The following LNPEP variants were observed in gnomAD, a reference collection of about 807,000 sequenced individuals.
The protein encoded by LNPEP is leucyl-cystinyl aminopeptidase.
In LNPEP, 64 loss-of-function variants were observed where a neutral mutation model predicts 120.6. That is an observed-to-expected ratio of 0.53 (90% confidence interval 0.43 to 0.65). The LOEUF is 0.65. Ranked by LOEUF, LNPEP falls within the 30% of genes least tolerant of loss-of-function variation. LNPEP has a pLI of 0.00. For synonymous variants in LNPEP, 435 were observed against 425.4 expected (o/e 1.02, Z -0.28); for missense variants, 1,057 against 1,200.0 (o/e 0.88, Z 1.76).
At chr5:96,978,184 CG>C (rs1790045196) in intron 1 of LNPEP, among the ~76,000 whole-genome samples, 1 of 151,900 alleles carries the variant, frequency 6.6e-6, no homozygotes, top group African/African-American at 2.4e-5. Context: ...AAACATTGAA[CG>C]ATCTAATCCT....
At chr5:96,972,094 A>G (rs1207984930) in intron 1 of LNPEP, among the ~76,000 whole-genome samples, 2 of 152,078 alleles carry the variant, frequency 1.3e-5, no homozygotes, top group Admixed American at 1.3e-4. Context: ...ACTCTGTAAA[A>G]TGTTGATTTT....
At chr5:97,002,711 C>A (rs1168653523) in intron 8 of LNPEP, among the ~76,000 whole-genome samples, 1 of 152,076 alleles carries the variant, frequency 6.6e-6, no homozygotes, top group Non-Finnish European at 1.5e-5. Context: ...TACAGGATGC[C>A]ATATAAATTG....
At chr5:96,973,642 A>T (rs1789925666) in intron 1 of LNPEP, among the ~76,000 whole-genome samples, 1 of 152,152 alleles carries the variant, frequency 6.6e-6, no homozygotes, top group Non-Finnish European at 1.5e-5. Context: ...TGCAAAGATT[A>T]GATGCAAATA....
rs6556944 is a variant in LNPEP at position 96,966,594 on chromosome 5, C to T, written c.20-12544C>T. On this transcript the variant is annotated intron_variant, in intron 1 of 17. Transcript: ENST00000231368. ...GGCCCTACCAGTGATGGAGTCCTGG[C>T]TTTACCACTTAGTATATGTCGGAAC... Among the ~76,000 whole-genome samples the T allele has an allele frequency of 1.1e-4, 16 of 150,516 alleles. No homozygotes were observed. The South Asian group carries it at 3.0e-3, about 28-fold the overall frequency.
At chr5:96,945,099 G>A (rs181632288) in intron 1 of LNPEP, among the ~76,000 whole-genome samples, 70 of 151,820 alleles carry the variant, frequency 4.6e-4, no homozygotes, top group East Asian at 3.3e-3. Context: ...ATCTCTCCTG[G>A]ATCAAAAAAA....
At position 96,936,167 on chromosome 5, in the gene LNPEP, C is replaced by T; in HGVS notation, c.12C>T (p.Phe4=). The change falls in exon 1 of 18, where the codon TTC becomes TTT. Residue 4 remains phenylalanine (F), a synonymous_variant. Transcript: ENST00000231368. ...GCGGCGGGGGGAAAATGGAGCCCTT[C>T]ACCAATGGTGAGTGGGCTGCCGAGG... MEP[F]TNDRLQLPRN... is the part of the protein sequence containing the mutation. 6.7e-7 allele frequency: 1 copy of T among 1,488,320 alleles called. No individual in the cohort carries two copies. The highest frequency in any genetic ancestry group is 8.9e-7 in the Non-Finnish European group (1 of 1,120,736). The allele number at this position is 1,488,320 out of a possible 1,614,324, so 92.2% of individuals were successfully genotyped here. A position where few individuals can be genotyped will look rare whatever the true frequency, so the allele number is the denominator to read the frequency against.
At chr5:97,027,483 T>C (rs1025937696) in intron 16 of LNPEP, among the ~76,000 whole-genome samples, 1 of 152,202 alleles carries the variant, frequency 6.6e-6, no homozygotes, top group Non-Finnish European at 1.5e-5. Context: ...CATTTCTGGG[T>C]GTACAGTGTG....
chr5:97,010,291 T>C, intron 11 of LNPEP: 1 of 973,494 alleles, frequency 1.0e-6, no homozygotes, highest in Non-Finnish European at 1.2e-6. Context: ...ACATTCATGT[T>C]TCCAAATGGA....
Position 96,993,849 on chromosome 5 carries a change from G to A in LNPEP, c.1285G>A (p.Ala429Thr). ...LVAIPDFEAG[A>T]MENWGLLTFR... ...GGCTATTCCTGACTTTGAAGCAGGA[G>A]CAATGGAAAATTGGGGTTTGCTCAC... The change falls in exon 6 of 18, where the codon GCA becomes ACA. Residue 429 changes from alanine to threonine, a missense_variant. Coordinates refer to ENST00000231368, the MANE Select transcript of LNPEP (RefSeq NM_005575.3). 2 of 1,613,914 alleles carry A rather than the reference G, an allele frequency of 1.2e-6. No individual in the cohort carries two copies. Among genetic ancestry groups the A allele is most frequent in the Non-Finnish European group, 1.7e-6 (2 of 1,179,826 alleles).
At position 96,979,566 on chromosome 5, in the gene LNPEP, C is replaced by G; in HGVS notation, c.448C>G (p.Leu150Val). 1 of 1,614,082 alleles carries G rather than the reference C, an allele frequency of 6.2e-7. No homozygotes were observed. The highest frequency in any genetic ancestry group is 8.5e-7 in the Non-Finnish European group (1 of 1,179,962). ...CCATAAAAAAAACCAGTCAATTGGA[C>G]TAATTCAGCCATTTGCAACAAATGG... ...GCHKKNQSIG[L>V]IQPFATNGKL... Residue 150 changes from leucine (L) to valine (V), a missense_variant, in exon 2 of 18, where the codon CTA (leucine) becomes GTA (valine). Transcript: ENST00000231368.
At chr5:96,947,681 A>G (rs1248266663) in intron 1 of LNPEP, among the ~76,000 whole-genome samples, 2 of 152,214 alleles carry the variant, frequency 1.3e-5, no homozygotes, top group Non-Finnish European at 2.9e-5. Context: ...CTAATTGTTC[A>G]GTAGAACTCC....
At position 96,958,465 on chromosome 5, in the gene LNPEP, T is replaced by G. The variant is rs771372932; in HGVS notation, c.20-20673T>G. 5.1e-6 allele frequency: 5 copies of G among 984,620 alleles called. No homozygotes were observed. The African/African-American group carries it at 8.9e-5, about 17-fold the overall frequency. The allele number at this position is 984,620 out of a possible 1,614,324, so 61.0% of individuals were successfully genotyped here. A position where few individuals can be genotyped will look rare whatever the true frequency, so the allele number is the denominator to read the frequency against. ...AACTTGGGCAAGCTCCTAACTCCACTAAGTACAGAAGTGGAGCCGTACAGC... is the reference window on the plus strand; with the variant it reads ...AACTTGGGCAAGCTCCTAACTCCACGAAGTACAGAAGTGGAGCCGTACAGC... On this transcript the variant is annotated intron_variant, in intron 1 of 17. Coordinates refer to ENST00000231368, the MANE Select transcript of LNPEP (RefSeq NM_005575.3).
At chr5:96,988,339 C>CTT (rs201343272) in intron 4 of LNPEP, among the ~76,000 whole-genome samples, 7,517 of 125,102 alleles carry the variant, frequency 0.06, 466 homozygotes, top group Middle Eastern at 0.11. Context: ...TTTTTCTTTT[C>CTT]TTTTTTTTTT....
At position 97,006,335 on chromosome 5, in the gene LNPEP, T is replaced by A. The variant is rs1480368712; in HGVS notation, c.1947-92T>A. On this transcript the variant is annotated intron_variant, in intron 10 of 17. Coordinates refer to ENST00000231368, the MANE Select transcript of LNPEP (RefSeq NM_005575.3). ...AAGTTCTTGTGAAACCTAACAAGAT[T>A]ATCCCTTCCTAGGAATAGCTTAACC... 3 of 1,267,200 alleles carry A rather than the reference T, an allele frequency of 2.4e-6. No individual in the cohort carries two copies. In the African/African-American group the frequency reaches 4.6e-5, roughly 19 times the overall value. The allele number at this position is 1,267,200 out of a possible 1,614,324, so 78.5% of individuals were successfully genotyped here. A position where few individuals can be genotyped will look rare whatever the true frequency, so the allele number is the denominator to read the frequency against.
rs76923461 is a variant in LNPEP, at chr5:96,983,740, C to A, written c.861-1340C>A. The stretch of plus-strand genomic sequence containing the variant: ...GGGATTTCAGGCGTGAGCCACCTGG[C>A]CTGGACTGTAATTGAGGATTTTTCT... On this transcript the variant is annotated intron_variant, in intron 2 of 17. Transcript: ENST00000231368. Among the ~76,000 whole-genome samples, 1,390 of 152,268 alleles carry A rather than the reference C, an allele frequency of 9.1e-3. 30 individuals carry two copies. The highest frequency in any genetic ancestry group is 0.067 in the East Asian group (346 of 5,182).
rs1043586603 is a variant in LNPEP at position 96,936,146 on chromosome 5, C to CG, written c.-4dup. ...GCGCTCCGGCTGTAAGGAGCCGCGGCGGGGGGAAAATGGAGCCCTTCACCA... is the reference window on the plus strand; with the variant it reads ...GCGCTCCGGCTGTAAGGAGCCGCGGCGGGGGGGAAAATGGAGCCCTTCACCA... On this transcript the variant is annotated 5_prime_UTR_variant, in exon 1 of 18. Transcript: ENST00000231368. 6.7e-7 allele frequency: 1 copy of CG among 1,503,448 alleles called. No individual in the cohort carries two copies. 93.1% of individuals were successfully genotyped at this position (1,503,448 alleles called of 1,614,324 possible). A position where few individuals can be genotyped will look rare whatever the true frequency, so the allele number is the denominator to read the frequency against.
At chr5:97,003,376 A>G in intron 8 of LNPEP, 39 bp from the exon 9 acceptor site, 2 of 1,202,160 alleles carry the variant, frequency 1.7e-6, no homozygotes, top group Admixed American at 4.8e-5. Context: ...ATAGTATTCT[A>G]TTATTTTCTT....
At chr5:97,000,349 A>G (rs1019075837) in intron 8 of LNPEP, among the ~76,000 whole-genome samples, 14 of 152,136 alleles carry the variant, frequency 9.2e-5, no homozygotes, top group African/African-American at 3.4e-4. Flanking sequence ...GAAAAGAATT[A>G]ATATAGGAGG....
chr5:96,992,298 G>A (rs1035359206), intron 4 of LNPEP, among the ~76,000 whole-genome samples: 2 of 151,982 alleles, frequency 1.3e-5, no homozygotes, highest in African/African-American at 4.8e-5. Context: ...TTAGTTCTGT[G>A]TACAACTCAT....
Sources: gnomAD v4.1 joint callset for allele counts (sites outside exome capture counted in the v4.1 genomes callset) on GRCh38, gnomAD v4.1.1 for gene constraint, MANE v1.5 for transcripts, NCBI Gene and HGNC (gene_info 2026-07-23, HGNC 2026-07-21) for gene names.